The following MAMLD1 variants were observed in gnomAD, a reference collection of about 807,000 sequenced individuals.
MAMLD1 encodes the protein mastermind like domain containing 1, also known as mastermind-like domain-containing protein 1.
MAMLD1 carries 14 observed loss-of-function variants against 45.0 expected under a neutral mutation model. The observed-to-expected ratio is 0.31, with a 90% CI of 0.21 to 0.49. The LOEUF (loss-of-function observed/expected upper bound fraction) is 0.49, where lower values mean the gene tolerates loss of function less well. MAMLD1 is among the 20% of genes least tolerant of loss of function. MAMLD1 has a pLI of 0.99. For missense variants in MAMLD1, 543 were observed against 603.6 expected, an observed-to-expected ratio of 0.90 and a Z score of 1.05; for synonymous variants, 254 against 247.8, an observed-to-expected ratio of 1.02 and a Z score of -0.24.
intron 1 of MAMLD1, among the ~76,000 whole-genome samples, chrX:150,382,183 T>G (rs1557401705): frequency 9.0e-6 from 1 of 111,568 alleles, no homozygotes; most frequent in Admixed American, 9.6e-5. Flanking sequence ...AGGTTGATGT[T>G]TATTATTTTT....
intron 5 of MAMLD1, among the ~76,000 whole-genome samples, chrX:150,498,442 A>G (rs781951610): frequency 2.1e-4 from 24 of 112,426 alleles, no homozygotes; most frequent in African/African-American, 7.7e-4. Context: ...CAAAGCATGG[A>G]AGTGGCAAAC....
intron 1 of MAMLD1, among the ~76,000 whole-genome samples, chrX:150,437,225 C>T (rs1032508549): frequency 6.3e-5 from 7 of 111,794 alleles, no homozygotes; most frequent in Admixed American, 3.8e-4. Context: ...AGTAGCAGAA[C>T]GGCAGGGTGC....
intron 1 of MAMLD1, among the ~76,000 whole-genome samples, chrX:150,377,516 C>T (rs1211809133): frequency 9.0e-6 from 1 of 111,366 alleles, no homozygotes; most frequent in Non-Finnish European, 1.9e-5. Flanking sequence ...ACAACAGTTA[C>T]CACTCTTTGA....
intron 2 of MAMLD1, among the ~76,000 whole-genome samples, chrX:150,449,342 A>G (rs782527558): frequency 4.5e-5 from 5 of 111,332 alleles, no homozygotes; most frequent in Non-Finnish European, 9.4e-5. Flanking sequence ...AAATGCAAGT[A>G]GGGCTGAAGA....
intron 1 of MAMLD1, among the ~76,000 whole-genome samples, chrX:150,374,689 A>G (rs1365188420): frequency 9.0e-6 from 1 of 111,716 alleles, no homozygotes; most frequent in African/African-American, 3.3e-5. Flanking sequence ...AGACAGTTTT[A>G]GAGATCCCAA....
At position 150,470,823 on chromosome X, in the gene MAMLD1, A is replaced by C; in HGVS notation, c.1250A>C (p.Gln417Pro). Residue 417 changes from glutamine (Q) to proline (P), a missense_variant, in exon 4 of 8, where the codon CAA becomes CCA. Transcript: ENST00000370401. ...AAGCTCCCCAGCCCTGCTCTCACTC[A>C]ACAGCCGCAGTTCGGCCCTCAGAGC... ...PEKLPSPALT[Q>P]QPQFGPQSSI... 1 of 1,211,654 alleles carries C rather than the reference A, an allele frequency of 8.3e-7. No individual in the cohort carries two copies. Among genetic ancestry groups the C allele is most frequent in the African/African-American group, 1.7e-5 (1 of 57,714 alleles).
intron 5 of MAMLD1, among the ~76,000 whole-genome samples, chrX:150,501,072 T>C (rs2037538666): frequency 1.8e-5 from 2 of 111,844 alleles, no homozygotes; most frequent in Admixed American, 1.9e-4. Flanking sequence ...TCTGCAGTTT[T>C]TTCTGCCTGA....
At chrX:150,510,119 T>C in intron 7 of MAMLD1, 73 bp downstream of exon 7, 3 of 674,569 alleles carry the variant, frequency 4.4e-6, no homozygotes, top group Non-Finnish European at 7.0e-6. Context: ...TGAGAATTCA[T>C]TTCAGAGTAA....
intron 1 of MAMLD1, among the ~76,000 whole-genome samples, chrX:150,427,417 T>C (rs1413493177): frequency 8.9e-6 from 1 of 112,291 alleles, no homozygotes; most frequent in Non-Finnish European, 1.9e-5. Flanking sequence ...TTTCTTTTCT[T>C]TGAGGGCCAA....
intron 1 of MAMLD1, among the ~76,000 whole-genome samples, chrX:150,400,062 G>A (rs1421399126): frequency 9.0e-6 from 1 of 111,608 alleles, no homozygotes; most frequent in Non-Finnish European, 1.9e-5. Flanking sequence ...ACAAGACGGT[G>A]GCCTAAGAGA....
intron 1 of MAMLD1, among the ~76,000 whole-genome samples, chrX:150,363,894 C>T (rs2031173511): frequency 8.8e-6 from 1 of 113,160 alleles, no homozygotes; most frequent in Non-Finnish European, 1.9e-5. Context: ...GTCCCAGCAC[C>T]CCCGGGTCGC....
chrX:150,381,471 C>T (rs137929558), intron 1 of MAMLD1, among the ~76,000 whole-genome samples: 3,619 of 112,308 alleles, frequency 0.032, 61 homozygotes, highest in Non-Finnish European at 0.049. Context: ...GTGCCATCAC[C>T]ACAAGGATAT....
At chrX:150,398,252 GAGAAGAAGAAGAAGAAGAAGAAGAAGA>G (rs1221742768) in intron 1 of MAMLD1, among the ~76,000 whole-genome samples, 408 of 40,689 alleles carry the variant, frequency 0.01, 4 homozygotes, top group African/African-American at 0.019. Context: ...GGAGGAGAAG[GAGAAGAAGAAGAAGAAGAAGAAGAAGA>G]AGAAGAAGAA....
intron 1 of MAMLD1, among the ~76,000 whole-genome samples, chrX:150,369,141 T>G (rs1468849795): frequency 9.5e-6 from 1 of 105,502 alleles, no homozygotes; most frequent in Non-Finnish European, 2.0e-5. Flanking sequence ...GAATAAACCC[T>G]TTTTTTTTAA....
At chrX:150,437,770 T>C (rs2035168834) in intron 1 of MAMLD1, among the ~76,000 whole-genome samples, 1 of 112,076 alleles carries the variant, frequency 8.9e-6, no homozygotes, top group Non-Finnish European at 1.9e-5. Flanking sequence ...AAATGGGATA[T>C]TGACATTGAC....
At chrX:150,368,318 G>C (rs1276288411) in intron 1 of MAMLD1, among the ~76,000 whole-genome samples, 3 of 111,386 alleles carry the variant, frequency 2.7e-5, no homozygotes, top group South Asian at 3.7e-4. Flanking sequence ...CAGTGATGAT[G>C]AGCATTTTTT....
chrX:150,400,157 G>GGAA (rs1354828358), intron 1 of MAMLD1, among the ~76,000 whole-genome samples: 2 of 111,928 alleles, frequency 1.8e-5, no homozygotes, highest in Non-Finnish European at 3.8e-5. Flanking sequence ...TGTGCAGAAT[G>GGAA]GAAGTTCCCT....
At chrX:150,484,666 T>C (rs2036930347) in intron 5 of MAMLD1, among the ~76,000 whole-genome samples, 1 of 112,425 alleles carries the variant, frequency 8.9e-6, no homozygotes, top group African/African-American at 3.2e-5. Flanking sequence ...CGAGGACTCA[T>C]TCATTAATAA....
intron 1 of MAMLD1, among the ~76,000 whole-genome samples, chrX:150,394,105 G>A (rs192517331): frequency 6.6e-5 from 6 of 91,151 alleles, no homozygotes; most frequent in Non-Finnish European, 1.3e-4. Flanking sequence ...TTTTTGTGAG[G>A]GGTGTAAGGT....
Sources: gnomAD v4.1 joint callset for allele counts (sites outside exome capture counted in the v4.1 genomes callset) on GRCh38, gnomAD v4.1.1 for gene constraint, MANE v1.5 for transcripts, NCBI Gene and HGNC (gene_info 2026-07-23, HGNC 2026-07-21) for gene names.